Variants in PUS10 observed in about 807,000 individuals in gnomAD.
PUS10 encodes the protein tRNA pseudouridine synthase Pus10.
Under a neutral mutation model 75.0 loss-of-function variants are expected in PUS10, and 59 were observed. The observed-to-expected ratio is 0.79, with a 90% CI of 0.64 to 0.98. The LOEUF (loss-of-function observed/expected upper bound fraction) is 0.98, where lower values mean the gene tolerates loss of function less well. PUS10 is among the 50% of genes least tolerant of loss of function. PUS10 has a pLI of 0.00. For missense variants in PUS10, 650 were observed against 614.4 expected, an observed-to-expected ratio of 1.06 and a Z score of -0.61; for synonymous variants, 219 against 211.6, an observed-to-expected ratio of 1.03 and a Z score of -0.30.
chr2:60,942,908 G>A (rs946143568), intron 17 of PUS10, among the ~76,000 whole-genome samples: 1 of 152,018 alleles, frequency 6.6e-6, no homozygotes, highest in Non-Finnish European at 1.5e-5. Context: ...GCACACGCCT[G>A]TAGTCCTAGC....
intron 4 of PUS10, among the ~76,000 whole-genome samples, chr2:60,995,958 AG>A: frequency 6.6e-6 from 1 of 152,364 alleles, no homozygotes; most frequent in East Asian, 1.9e-4. Context: ...AGCTGGGTTC[AG>A]GCCAAGGAAA....
Position 61,011,851 on chromosome 2 carries a change from A to G in PUS10, c.40T>C (p.Leu14=), listed in dbSNP as rs777488509. ...GGACAAGTACCAGTATTGAGCAACAACTGGGCCACATGCTTGTTTTCCTCA... is the reference window on the plus strand; with the variant it reads ...GGACAAGTACCAGTATTGAGCAACAGCTGGGCCACATGCTTGTTTTCCTCA... ...LTEENKHVAQ[L]LLNTGTCPRC... The change falls in exon 2 of 18, where the codon TTG becomes CTG. Residue 14 remains leucine (L), a synonymous_variant. Coordinates refer to ENST00000316752, the MANE Select transcript of PUS10 (RefSeq NM_144709.4). The G allele has an allele frequency of 6.2e-7, 1 of 1,608,334 alleles. No homozygotes were observed. The highest frequency in any genetic ancestry group is 1.3e-5 in the African/African-American group (1 of 74,582).
At chr2:61,010,468 A>G in intron 2 of PUS10, 1 of 212,354 alleles carries the variant, frequency 4.7e-6, no homozygotes, top group Non-Finnish European at 9.8e-6. Flanking sequence ...CTGGGATCAC[A>G]GGCACCTGCC....
chr2:60,960,534 C>G lies in PUS10; in HGVS notation c.875-17G>C. The G allele has an allele frequency of 6.4e-7, 1 of 1,562,486 alleles. No homozygotes were observed. The highest frequency in any genetic ancestry group is 8.6e-7 in the Non-Finnish European group (1 of 1,160,724). ...TATATCTCCCTGAGAAAGAAATAAT[C>G]AGATAGCCTGGATGGAATGGAGTAA... On this transcript the variant is annotated splice_polypyrimidine_tract_variant and intron_variant, in intron 10 of 17. Coordinates refer to ENST00000316752, the MANE Select transcript of PUS10 (RefSeq NM_144709.4).
chr2:60,991,673 A>G (rs1678088717), intron 4 of PUS10, among the ~76,000 whole-genome samples: 1 of 152,190 alleles, frequency 6.6e-6, no homozygotes, highest in Admixed American at 6.5e-5. Context: ...AGTACTTTTA[A>G]GAGTAAAGGA....
In PUS10 at chr2:60,959,605, T is replaced by G. The variant is rs954132331; in HGVS notation, c.1000+787A>C. On this transcript the variant is annotated intron_variant, in intron 11 of 17. Transcript: ENST00000316752. Reference sequence around the variant, plus strand: ...GGTCTCACCATGTTGCCCAGGCTGGTCTTGAATTCCTGGCTGCAAGTGATT... The same window carrying G: ...GGTCTCACCATGTTGCCCAGGCTGGGCTTGAATTCCTGGCTGCAAGTGATT... 2.6e-5 allele frequency among the ~76,000 whole-genome samples: 4 copies of G among 151,904 alleles called. No homozygotes were observed. The South Asian group carries it at 8.3e-4, about 32-fold the overall frequency.
intron 8 of PUS10, among the ~76,000 whole-genome samples, chr2:60,963,692 T>C (rs1676170047): frequency 6.6e-6 from 1 of 152,170 alleles, no homozygotes; most frequent in Non-Finnish European, 1.5e-5. Context: ...TTCTATAAGA[T>C]ACCATAGGGT....
chr2:60,945,056 C>G lies in PUS10; in HGVS notation c.1504G>C (p.Gly502Arg), dbSNP rs369875737. The G allele has an allele frequency of 6.2e-7, 1 of 1,613,944 alleles. No homozygotes were observed. Among genetic ancestry groups the G allele is most frequent in the Non-Finnish European group, 8.5e-7 (1 of 1,179,956 alleles). ...GDFGRTKPNI[G>R]SLMNVTADIL... ...TCTGCAGTCACATTCATCAGGGACCCAATGTTTGGCTTGGTTCTCCCGAAG... is the reference window on the plus strand; with the variant it reads ...TCTGCAGTCACATTCATCAGGGACCGAATGTTTGGCTTGGTTCTCCCGAAG... Residue 502 changes from glycine to arginine, a missense_variant, in exon 17 of 18, where the codon GGG (glycine) becomes CGG (arginine). Transcript: ENST00000316752.
At chr2:60,975,066 G>A (rs1676948403) in intron 4 of PUS10, among the ~76,000 whole-genome samples, 1 of 152,214 alleles carries the variant, frequency 6.6e-6, no homozygotes, top group African/African-American at 2.4e-5. Context: ...ATTTATAGTA[G>A]TAGTATTACA....
At chr2:60,944,156 T>C in intron 17 of PUS10, 1 of 912,384 alleles carries the variant, frequency 1.1e-6, no homozygotes, top group Non-Finnish European at 1.3e-6. Flanking sequence ...TGAGTAGAGA[T>C]TTTCTTTAAC....
intron 7 of PUS10, 129 bp downstream of exon 7, chr2:60,965,294 C>T: frequency 3.0e-6 from 3 of 990,656 alleles, no homozygotes; most frequent in Admixed American, 4.2e-5. Context: ...TTTGAGGGCA[C>T]ATTTTAAACC....
intron 4 of PUS10, among the ~76,000 whole-genome samples, chr2:60,994,811 G>A (rs1678341574): frequency 2.0e-5 from 3 of 152,178 alleles, no homozygotes; most frequent in Non-Finnish European, 2.9e-5. Context: ...GACCAAGGCC[G>A]GGTGCAGTGG....
At chr2:60,997,375 C>T (rs1306098148) in intron 4 of PUS10, among the ~76,000 whole-genome samples, 1 of 152,092 alleles carries the variant, frequency 6.6e-6, no homozygotes, top group East Asian at 1.9e-4. Context: ...CTTTGAGAGG[C>T]CGAGGTGGGT....
At chr2:60,972,186 A>G (rs6761843) in intron 4 of PUS10, among the ~76,000 whole-genome samples, 8,890 of 134,266 alleles carry the variant, frequency 0.066, 1,000 homozygotes, top group African/African-American at 0.22. Context: ...AATCTGGGCC[A>G]GGCGCGCTGG....
chr2:61,006,727 TC>T, intron 3 of PUS10, 84 bp from the exon 4 acceptor site: 1 of 1,062,940 alleles, frequency 9.4e-7, no homozygotes, highest in Non-Finnish European at 1.4e-6. Context: ...GAATTTCTGG[TC>T]CAGGAGATGA....
At chr2:60,954,438 A>G (rs1229164391) in intron 12 of PUS10, among the ~76,000 whole-genome samples, 5 of 152,246 alleles carry the variant, frequency 3.3e-5, no homozygotes, top group Non-Finnish European at 7.3e-5. Flanking sequence ...TTAAATAACC[A>G]CTAATTAACT....
intron 1 of PUS10, chr2:61,017,451 C>G (rs183231086): frequency 7.5e-6 from 2 of 267,398 alleles, no homozygotes; most frequent in Middle Eastern, 1.1e-3. Flanking sequence ...CCAGAAAAGC[C>G]TCGGTGGGAC....
rs779849070 is a variant in PUS10, at chr2:60,945,028, A to T, written c.1532T>A (p.Ile511Asn). 1.9e-6 allele frequency: 3 copies of T among 1,613,562 alleles called. No individual in the cohort carries two copies. Among genetic ancestry groups the T allele is most frequent in the South Asian group, 1.1e-5 (1 of 91,080 alleles). ...GTTTACCTCAACATCCAGCTCCAGA[A>T]TGTCTGCAGTCACATTCATCAGGGA... ...IGSLMNVTAD[I>N]LELDVESVDV... The change falls in exon 17 of 18, where the codon ATT becomes AAT. Residue 511 changes from isoleucine to asparagine, a missense_variant. Ile to Asn is a moderately radical substitution (Grantham distance 149). Transcript: ENST00000316752.
At chr2:61,000,584 T>C (rs1442884230) in intron 4 of PUS10, among the ~76,000 whole-genome samples, 1 of 152,208 alleles carries the variant, frequency 6.6e-6, no homozygotes, top group Admixed American at 6.5e-5. Context: ...CCTTGGCTCA[T>C]GGCTCCCTTC....
Sources: allele counts gnomAD v4.1 joint callset (sites outside exome capture counted in the v4.1 genomes callset), GRCh38; gene constraint gnomAD v4.1.1; transcripts MANE v1.5; gene names NCBI Gene and HGNC (gene_info 2026-07-23, HGNC 2026-07-21).